The following ZNF771 variants were observed in gnomAD, a reference collection of about 807,000 sequenced individuals.
The protein encoded by ZNF771 is zinc finger protein 771.
ZNF771 carries 10 observed loss-of-function variants against 27.6 expected under a neutral mutation model. The observed-to-expected ratio is 0.36, with a 90% CI of 0.22 to 0.61. ZNF771 has a LOEUF of 0.61. Ranked by LOEUF, ZNF771 falls within the 20% of genes least tolerant of loss-of-function variation. The pLI is 0.70. For missense variants in ZNF771, 438 were observed against 503.7 expected (o/e 0.87, Z 1.25); for synonymous variants, 261 against 225.2 (o/e 1.16, Z -1.43).
In ZNF771 at chr16:30,417,685, T is replaced by C; in HGVS notation, c.272T>C (p.Phe91Ser). ...HARTHTGERP[F>S]GCTECGRRFS... Reference sequence around the variant, plus strand: ...CGCACGCACACGGGCGAACGGCCCTTCGGGTGCACCGAGTGCGGGCGGCGC... The same window carrying C: ...CGCACGCACACGGGCGAACGGCCCTCCGGGTGCACCGAGTGCGGGCGGCGC... Residue 91 changes from phenylalanine (F) to serine (S), a missense_variant, in exon 3 of 3, where the codon TTC becomes TCC. Physicochemically the swap from Phe to Ser is radical, Grantham distance 155 (BLOSUM62 -2). Transcript: ENST00000319296. The C allele has an allele frequency of 2.2e-6, 3 of 1,358,018 alleles. No individual in the cohort carries two copies. The highest frequency in any genetic ancestry group is 2.8e-6 in the Non-Finnish European group (3 of 1,057,188). The allele number at this position is 1,358,018 out of a possible 1,614,324, so 84.1% of individuals were successfully genotyped here.
rs2050141295 is a variant in ZNF771 at position 30,417,649 on chromosome 16, C to T, written c.236C>T (p.Ala79Val). The T allele has an allele frequency of 1.5e-6, 2 of 1,367,400 alleles. No individual in the cohort carries two copies. Among genetic ancestry groups the T allele is most frequent in the Non-Finnish European group, 1.9e-6 (2 of 1,062,852 alleles). The allele number at this position is 1,367,400 out of a possible 1,614,324, so 84.7% of individuals were successfully genotyped here. The change falls in exon 3 of 3, where the codon GCG becomes GTG. Residue 79 changes from alanine (A) to valine (V), a missense_variant. Transcript: ENST00000319296. The stretch of plus-strand genomic sequence containing the variant: ...GCCTTCGCGCGCCGCTCCACGCTGG[C>T]GAAGCACGCGCGCACGCACACGGGC... ...GRAFARRSTLAKHARTHTGER... is the reference protein window; with the variant it reads ...GRAFARRSTLVKHARTHTGER...
chr16:30,417,948 G>A lies in ZNF771; in HGVS notation c.535G>A (p.Asp179Asn). ...HTGEKPYACPDCGRAFGGSSC... is the reference protein window; with the variant it reads ...HTGEKPYACPNCGRAFGGSSC... ...GGGCGAGAAGCCGTACGCGTGCCCG[G>A]ACTGCGGACGCGCCTTTGGCGGCAG... The change falls in exon 3 of 3, where the codon GAC (aspartate) becomes AAC (asparagine). Residue 179 changes from aspartate to asparagine, a missense_variant. Coordinates refer to ENST00000319296, the MANE Select transcript of ZNF771 (RefSeq NM_001142305.2). 6.6e-7 allele frequency: 1 copy of A among 1,510,120 alleles called. No homozygotes were observed. Among genetic ancestry groups the A allele is most frequent in the Non-Finnish European group, 8.8e-7 (1 of 1,138,702 alleles). 93.5% of individuals were successfully genotyped at this position (1,510,120 alleles called of 1,614,324 possible).
intron 2 of ZNF771, among the ~76,000 whole-genome samples, chr16:30,413,381 T>C (rs2050115552): frequency 6.6e-6 from 1 of 152,232 alleles, no homozygotes; most frequent in South Asian, 2.1e-4. Context: ...ATGTTTTTCT[T>C]CAAATAGATT....
intron 2 of ZNF771, among the ~76,000 whole-genome samples, chr16:30,410,245 G>A (rs1324201335): frequency 6.6e-6 from 1 of 152,004 alleles, no homozygotes. Context: ...TGGGATTATA[G>A]GTGCGCACTA....
chr16:30,410,199 T>C (rs2050096465), intron 2 of ZNF771, among the ~76,000 whole-genome samples: 2 of 151,092 alleles, frequency 1.3e-5, no homozygotes, highest in Admixed American at 6.6e-5. Context: ...ACCTACCGGG[T>C]TCATGCCATT....
In ZNF771 at chr16:30,418,109, C is replaced by T. The variant is rs765889564; in HGVS notation, c.696C>T (p.Arg232=). 1.3e-6 allele frequency: 2 copies of T among 1,483,906 alleles called. No homozygotes were observed. The highest frequency in any genetic ancestry group is 1.3e-5 in the South Asian group (1 of 77,884). 91.9% of individuals were successfully genotyped at this position (1,483,906 alleles called of 1,614,324 possible). The part of the protein sequence containing the change: ...RRVHTGEKPH[R]CAVCGRRFGH... ...TGCACACGGGCGAGAAGCCGCACCG[C>T]TGCGCTGTGTGTGGCCGTCGCTTCG... Residue 232 remains arginine, a synonymous_variant, in exon 3 of 3, where the codon CGC becomes CGT. Transcript: ENST00000319296.
intron 2 of ZNF771, chr16:30,413,734 TA>T: frequency 4.2e-6 from 1 of 235,988 alleles, no homozygotes; most frequent in Non-Finnish European, 9.0e-6. Context: ...CACACCTGGC[TA>T]ATTTTTCACT....
chr16:30,409,615 G>A (rs1304360852), intron 2 of ZNF771, among the ~76,000 whole-genome samples: 4 of 152,196 alleles, frequency 2.6e-5, no homozygotes, highest in Non-Finnish European at 4.4e-5. Flanking sequence ...CTGCCCAGGA[G>A]CCAGTTCCCA....
chr16:30,408,265 A>C, intron 2 of ZNF771, 71 bp downstream of exon 2: 1 of 1,604,826 alleles, frequency 6.2e-7, no homozygotes, highest in African/African-American at 1.3e-5. Flanking sequence ...CTCAGATAGA[A>C]GCCAGGGATC....
chr16:30,411,358 T>A (rs564057415), intron 2 of ZNF771, among the ~76,000 whole-genome samples: 1 of 152,114 alleles, frequency 6.6e-6, no homozygotes, highest in African/African-American at 2.4e-5. Context: ...TGATTGGATT[T>A]TCTGTTTAGA....
intron 2 of ZNF771, among the ~76,000 whole-genome samples, chr16:30,414,912 T>C (rs1466084370): frequency 2.7e-5 from 4 of 147,164 alleles, no homozygotes; most frequent in African/African-American, 1.0e-4. Flanking sequence ...CCCAAAGTGC[T>C]GGGATTACAG....
At chr16:30,415,489 T>C (rs1470174737) in intron 2 of ZNF771, among the ~76,000 whole-genome samples, 1 of 149,888 alleles carries the variant, frequency 6.7e-6, no homozygotes, top group African/African-American at 2.5e-5. Flanking sequence ...GTTCAAGCAG[T>C]TCCCTGCCTC....
intron 2 of ZNF771, among the ~76,000 whole-genome samples, chr16:30,412,741 G>A (rs574662468): frequency 9.2e-5 from 14 of 151,974 alleles, no homozygotes; most frequent in East Asian, 3.9e-4. Flanking sequence ...GCAGTGAGCC[G>A]TGATCATGCC....
intron 1 of ZNF771, 58 bp from the exon 2 acceptor site, chr16:30,407,987 C>CGGGGGGGGGGGGGGGGGGGG (rs1205134281): frequency 1.5e-6 from 1 of 676,816 alleles, no homozygotes; most frequent in African/African-American, 5.2e-5. Flanking sequence ...CCACGGTGGG[C>CGGGGGGGGGGGGGGGGGGGG]GGGGGGGGGG....
chr16:30,418,013 G>C lies in ZNF771; in HGVS notation c.600G>C (p.Glu200Asp). 1 of 1,454,844 alleles carries C rather than the reference G, an allele frequency of 6.9e-7. No individual in the cohort carries two copies. The highest frequency in any genetic ancestry group is 1.4e-5 in the South Asian group (1 of 72,464). The allele number at this position is 1,454,844 out of a possible 1,614,324, so 90.1% of individuals were successfully genotyped here. A position where few individuals can be genotyped will look rare whatever the true frequency, so the allele number is the denominator to read the frequency against. The change falls in exon 3 of 3, where the codon GAG becomes GAC. Residue 200 changes from glutamate (E) to aspartate (D), a missense_variant. Coordinates refer to ENST00000319296, the MANE Select transcript of ZNF771 (RefSeq NM_001142305.2). ...GCCACCGACGCACGCACACGGGCGA[G>C]CGGCCCTACGCTTGCGCCGACTGCG... is the stretch of plus-strand genomic sequence containing the variant. The part of the protein sequence containing the change: ...LARHRRTHTG[E>D]RPYACADCGT...
At position 30,418,265 on chromosome 16, in the gene ZNF771, C is replaced by G. The variant is rs747261485; in HGVS notation, c.852C>G (p.Arg284=). The G allele has an allele frequency of 7.9e-6, 12 of 1,511,704 alleles. No individual in the cohort carries two copies. Among genetic ancestry groups the G allele is most frequent in the South Asian group, 1.2e-5 (1 of 81,238 alleles). 93.6% of individuals were successfully genotyped at this position (1,511,704 alleles called of 1,614,324 possible). The change falls in exon 3 of 3, where the codon CGC becomes CGG. Residue 284 remains arginine, a synonymous_variant. Transcript: ENST00000319296. ...GCCACCGACGCGCGCACATGCGGCG[C>G]CGCCTGTATATTTGCGCCGGCTGCG... is the stretch of plus-strand genomic sequence containing the variant. ...FIRHRRAHMR[R]RLYICAGCGR... is the part of the protein sequence containing the mutation.
chr16:30,407,986 G>A, intron 1 of ZNF771, 59 bp from the exon 2 acceptor site: 1 of 1,061,640 alleles, frequency 9.4e-7, no homozygotes, highest in Non-Finnish European at 1.3e-6. Context: ...GCCACGGTGG[G>A]CGGGGGGGGG....
At chr16:30,415,389 T>A (rs2050128206) in intron 2 of ZNF771, among the ~76,000 whole-genome samples, 1 of 146,730 alleles carries the variant, frequency 6.8e-6, no homozygotes, top group African/African-American at 2.5e-5. Flanking sequence ...ACCCTTTTTT[T>A]TTTTTTTTTT....
At chr16:30,416,920 TAAAAAAAAA>T (rs34982677) in intron 2 of ZNF771, among the ~76,000 whole-genome samples, 1 of 100,834 alleles carries the variant, frequency 9.9e-6, no homozygotes, top group African/African-American at 3.8e-5. Context: ...CCCTGTCTCT[TAAAAAAAAA>T]AAAAAAAAAA....
Sources: allele counts gnomAD v4.1 joint callset (sites outside exome capture counted in the v4.1 genomes callset), GRCh38; gene constraint gnomAD v4.1.1; transcripts MANE v1.5; gene names NCBI Gene and HGNC (gene_info 2026-07-23, HGNC 2026-07-21).